GNB1: variants seen among roughly 807,000 people sequenced by gnomAD.
GNB1 encodes the protein guanine nucleotide-binding protein G(I)/G(S)/G(T) subunit beta-1.
Under a neutral mutation model 42.9 loss-of-function variants are expected in GNB1, and 2 were observed. The observed-to-expected ratio is 0.05, with a 90% CI of 0.02 to 0.15. The LOEUF is 0.15. Ranked by LOEUF, GNB1 falls within the 10% of genes least tolerant of loss-of-function variation. The pLI is 1.00. For missense variants in GNB1, 193 were observed against 462.2 expected, an observed-to-expected ratio of 0.42 and a Z score of 5.34; for synonymous variants, 183 against 174.7, an observed-to-expected ratio of 1.05 and a Z score of -0.38.
intron 5 of GNB1, among the ~76,000 whole-genome samples, chr1:1,811,595 C>G (rs1646780440): frequency 6.6e-6 from 1 of 151,442 alleles, no homozygotes; most frequent in Non-Finnish European, 1.5e-5. Context: ...ACTCGGGAGG[C>G]TGAGGCAGGA....
intron 1 of GNB1, among the ~76,000 whole-genome samples, chr1:1,858,678 G>A (rs1350057910): frequency 6.6e-6 from 1 of 152,302 alleles, no homozygotes; most frequent in East Asian, 1.9e-4. Context: ...CAGGGACACT[G>A]CAGCCATCTC....
intron 1 of GNB1, among the ~76,000 whole-genome samples, chr1:1,853,277 A>G (rs1295591433): frequency 6.6e-6 from 1 of 152,194 alleles, no homozygotes; most frequent in East Asian, 1.9e-4. Context: ...TCCTCCGCTC[A>G]GAAGTCTTCA....
At chr1:1,797,226 A>C (rs1186095964) in intron 7 of GNB1, among the ~76,000 whole-genome samples, 1 of 152,154 alleles carries the variant, frequency 6.6e-6, no homozygotes, top group Non-Finnish European at 1.5e-5. Flanking sequence ...ATTGTGGGAA[A>C]CTGTGAACTG....
intron 1 of GNB1, among the ~76,000 whole-genome samples, chr1:1,855,321 CAAAAAAAAAA>C (rs371204734): frequency 3.6e-4 from 36 of 99,596 alleles, no homozygotes; most frequent in Non-Finnish European, 4.7e-4. Flanking sequence ...GACACTGTGT[CAAAAAAAAAA>C]AAAAAGAAAA....
chr1:1,791,917 C>T lies in GNB1; in HGVS notation c.498-1321G>A, dbSNP rs117542670. ...TTGTAAATCTATGAAATTTATACAA[C>T]GAGGACACCTTATAATACCACAGAT... On this transcript the variant is annotated intron_variant, in intron 8 of 11. Coordinates refer to ENST00000378609, the MANE Select transcript of GNB1 (RefSeq NM_002074.5). Among the ~76,000 whole-genome samples, 4 of 152,122 alleles carry T rather than the reference C, an allele frequency of 2.6e-5. No individual in the cohort carries two copies. In the East Asian group the frequency reaches 5.8e-4, roughly 22 times the overall value.
chr1:1,794,578 C>T (rs913393223), intron 7 of GNB1, among the ~76,000 whole-genome samples: 3 of 152,162 alleles, frequency 2.0e-5, no homozygotes, highest in Middle Eastern at 3.2e-3. Context: ...TCATGCGACA[C>T]TGCGTGAATC....
chr1:1,828,638 C>A (rs1298615920), intron 2 of GNB1, among the ~76,000 whole-genome samples: 4 of 152,172 alleles, frequency 2.6e-5, no homozygotes, highest in South Asian at 4.1e-4. Context: ...GAGAAAAAAA[C>A]CAGACGGACT....
chr1:1,887,607 T>C (rs773142832), intron 1 of GNB1, among the ~76,000 whole-genome samples: 4 of 152,246 alleles, frequency 2.6e-5, no homozygotes, highest in African/African-American at 4.8e-5. Context: ...ATCAAAGTCA[T>C]TGGGCATCAA....
intron 2 of GNB1, among the ~76,000 whole-genome samples, chr1:1,830,420 C>T (rs1647060070): frequency 6.6e-6 from 1 of 151,952 alleles, no homozygotes; most frequent in African/African-American, 2.4e-5. Context: ...CGCCACCACG[C>T]CCAGCTAATT....
rs944083538 is a variant in GNB1, at chr1:1,787,163, G to A, written c.*10-110C>T. The A allele has an allele frequency of 1.8e-5, 10 of 553,092 alleles. No homozygotes were observed. The highest frequency in any genetic ancestry group is 3.1e-4 in the Middle Eastern group (1 of 3,262). 34.3% of individuals were successfully genotyped at this position (553,092 alleles called of 1,614,324 possible). ...CACTGCATGAGTGTCTGCAGCTGAG[G>A]GCACGTGACTTCAGCTTTCTGTAAA... On this transcript the variant is annotated intron_variant, in intron 11 of 11. Transcript: ENST00000378609. The surrounding 1 kb of genome is among the most constrained non-coding windows in gnomAD (Gnocchi z 4.4).
intron 6 of GNB1, among the ~76,000 whole-genome samples, chr1:1,805,565 A>G (rs555168353): frequency 1.3e-5 from 2 of 151,888 alleles, no homozygotes; most frequent in African/African-American, 4.8e-5. Flanking sequence ...TTCGAGATGG[A>G]GTTTCGCTCT....
intron 1 of GNB1, among the ~76,000 whole-genome samples, chr1:1,874,835 G>A (rs545106168): frequency 9.5e-4 from 144 of 151,980 alleles, no homozygotes; most frequent in African/African-American, 3.3e-3. Flanking sequence ...GCTTCGTTCT[G>A]TGAAGCATCC....
intron 1 of GNB1, among the ~76,000 whole-genome samples, chr1:1,852,553 G>C (rs900452031): frequency 3.3e-5 from 5 of 151,904 alleles, no homozygotes; most frequent in Admixed American, 1.3e-4. Flanking sequence ...TAAAAAAATT[G>C]GCATGGTGGT....
intron 1 of GNB1, among the ~76,000 whole-genome samples, chr1:1,849,448 C>T (rs1235846788): frequency 6.6e-6 from 1 of 152,166 alleles, no homozygotes; most frequent in Non-Finnish European, 1.5e-5. Context: ...ATTCTATCAC[C>T]CAGGCTACAG....
In GNB1 at chr1:1,852,217, T is replaced by C. The variant is rs188545091; in HGVS notation, c.-95-12979A>G. On this transcript the variant is annotated intron_variant, in intron 1 of 11. Coordinates refer to ENST00000378609, the MANE Select transcript of GNB1 (RefSeq NM_002074.5). Reference sequence around the variant, plus strand: ...GAGTTTCAGACCAGCCTAGGCAACATAGCAAGATCCTGCCTCTCAAATTTT... The same window carrying C: ...GAGTTTCAGACCAGCCTAGGCAACACAGCAAGATCCTGCCTCTCAAATTTT... Among the ~76,000 whole-genome samples the C allele has an allele frequency of 2.2e-3, 333 of 152,054 alleles. 1 individual carries two copies. Among genetic ancestry groups the C allele is most frequent in the African/African-American group, 7.7e-3 (318 of 41,510 alleles).
intron 1 of GNB1, among the ~76,000 whole-genome samples, chr1:1,844,654 TAATCCTAAGATGGG>T (rs1647522028): frequency 6.6e-6 from 1 of 152,212 alleles, no homozygotes; most frequent in African/African-American, 2.4e-5. Flanking sequence ...TCTATCAACA[TAATCCTAAGATGGG>T]AAACACATAA....
intron 4 of GNB1, chr1:1,817,609 T>C (rs1260706527): frequency 4.8e-6 from 2 of 417,024 alleles, no homozygotes; most frequent in Admixed American, 3.5e-5. Context: ...TATTACCCTC[T>C]GTAACAGGTA....
At chr1:1,852,114 A>G (rs1213838744) in intron 1 of GNB1, among the ~76,000 whole-genome samples, 1 of 152,006 alleles carries the variant, frequency 6.6e-6, no homozygotes, top group Non-Finnish European at 1.5e-5. Context: ...TTGAATATAT[A>G]AAAAGAGATG....
chr1:1,846,057 A>G (rs1647644550), intron 1 of GNB1, among the ~76,000 whole-genome samples: 1 of 152,160 alleles, frequency 6.6e-6, no homozygotes, highest in African/African-American at 2.4e-5. Context: ...AAGGGCTCCA[A>G]AACTAAAAAG....
Sources: allele counts gnomAD v4.1 joint callset (sites outside exome capture counted in the v4.1 genomes callset), GRCh38; gene constraint gnomAD v4.1.1; non-coding constraint Gnocchi (gnomAD v3.1); transcripts MANE v1.5; gene names NCBI Gene and HGNC (gene_info 2026-07-23, HGNC 2026-07-21).